Variants in PIEZO2 observed in about 807,000 individuals in gnomAD.
The protein encoded by PIEZO2 is piezo type mechanosensitive ion channel component 2.
In PIEZO2, 172 loss-of-function variants were observed where a neutral mutation model predicts 337.3. The ratio of observed to expected loss-of-function variants is 0.51; its 90% CI spans 0.45 to 0.58. The LOEUF (loss-of-function observed/expected upper bound fraction) is 0.58. Ranked by LOEUF, PIEZO2 falls within the 20% of genes least tolerant of loss-of-function variation. PIEZO2 has a pLI of 0.00. For missense variants in PIEZO2, 3,028 were observed against 3,391.3 expected (o/e 0.89, Z 2.66); for synonymous variants, 1,251 against 1,228.5 (o/e 1.02, Z -0.38).
intron 2 of PIEZO2, among the ~76,000 whole-genome samples, chr18:11,043,375 A>G (rs1191546877): frequency 1.3e-5 from 2 of 152,208 alleles, no homozygotes; most frequent in Admixed American, 1.3e-4. Context: ...ATAATTCAAT[A>G]TTTTGGTATA....
chr18:10,726,809 A>T lies in PIEZO2; in HGVS notation c.5029+4598T>A. ...GAGGATGTGGACCACCTGCGGCCCC[A>T]TGGGGTGCTGGATAATACCCGGATG... On this transcript the variant is annotated intron_variant, in intron 36 of 55. Transcript: ENST00000674853. This position sits in a 1 kb window ranked among gnomAD's most constrained non-coding sequence, Gnocchi z 5.9. 1 of 1,563,162 alleles carries T rather than the reference A, an allele frequency of 6.4e-7. No individual in the cohort carries two copies. Among genetic ancestry groups the T allele is most frequent in the Non-Finnish European group, 8.8e-7 (1 of 1,140,128 alleles).
intron 5 of PIEZO2, among the ~76,000 whole-genome samples, chr18:10,860,678 A>G (rs2041848739): frequency 6.6e-6 from 1 of 152,230 alleles, no homozygotes; most frequent in Non-Finnish European, 1.5e-5. Flanking sequence ...CAAAGAAAGA[A>G]CACAGCAAGG....
intron 47 of PIEZO2, among the ~76,000 whole-genome samples, chr18:10,693,356 T>TTGTGTGTGTGTGTGCGTGTG (rs2034938481): frequency 1.1e-5 from 1 of 89,974 alleles, no homozygotes; most frequent in African/African-American, 3.5e-5. Context: ...AATCTGGATT[T>TTGTGTGTGTGTGTGCGTGTG]TGTGTGTGTG....
At chr18:10,741,662 A>G (rs2037222493) in intron 32 of PIEZO2, among the ~76,000 whole-genome samples, 1 of 152,206 alleles carries the variant, frequency 6.6e-6, no homozygotes, top group African/African-American at 2.4e-5. Context: ...TTAATTTGAT[A>G]TAATAAATCC....
At chr18:11,068,807 A>C (rs1231211439) in intron 1 of PIEZO2, among the ~76,000 whole-genome samples, 1 of 152,180 alleles carries the variant, frequency 6.6e-6, no homozygotes, top group Non-Finnish European at 1.5e-5. Context: ...CAGAAGATGC[A>C]AAAAATTAAG....
chr18:10,876,920 C>A (rs966592470), intron 4 of PIEZO2, among the ~76,000 whole-genome samples: 2 of 152,212 alleles, frequency 1.3e-5, no homozygotes, highest in Admixed American at 6.5e-5. Context: ...CATTCCAATT[C>A]TCATCACATT....
rs2041911851 is a variant in PIEZO2 at position 10,862,837 on chromosome 18, A to C, written c.493-5626T>G. Among the ~76,000 whole-genome samples the C allele has an allele frequency of 6.6e-6, 1 of 152,232 alleles. No homozygotes were observed. Among genetic ancestry groups the C allele is most frequent in the African/African-American group, 2.4e-5 (1 of 41,450 alleles). ...ATCAATGAATTCTCCATAGGGGTTC[A>C]GCTGAATAGGCACAATTTGAAAATA... On this transcript the variant is annotated intron_variant, in intron 5 of 55. Coordinates refer to ENST00000674853, the MANE Select transcript of PIEZO2 (RefSeq NM_001378183.1). This position sits in a 1 kb window ranked among gnomAD's most constrained non-coding sequence, Gnocchi z 4.4.
At position 10,888,077 on chromosome 18, in the gene PIEZO2, G is replaced by A. The variant is rs2042659026; in HGVS notation, c.330-16662C>T. ...TAGCAGACATTAATGACTCCTGCCT[G>A]TATTAACTGTCATGATGGCTGCCTA... On this transcript the variant is annotated intron_variant, in intron 4 of 55. Coordinates refer to ENST00000674853, the MANE Select transcript of PIEZO2 (RefSeq NM_001378183.1). The surrounding 1 kb of genome is among the most constrained non-coding windows in gnomAD (Gnocchi z 4.1). 6.6e-6 allele frequency among the ~76,000 whole-genome samples: 1 copy of A among 152,178 alleles called. No homozygotes were observed. The highest frequency in any genetic ancestry group is 6.5e-5 in the Admixed American group (1 of 15,278).
chr18:10,926,622 T>A (rs2031756267), intron 3 of PIEZO2, among the ~76,000 whole-genome samples: 1 of 152,180 alleles, frequency 6.6e-6, no homozygotes, highest in African/African-American at 2.4e-5. Context: ...ACTCAGCTTT[T>A]AGGAAAAGGA....
intron 5 of PIEZO2, among the ~76,000 whole-genome samples, chr18:10,869,018 T>C (rs1162548877): frequency 2.0e-5 from 3 of 152,214 alleles, no homozygotes; most frequent in African/African-American, 7.2e-5. Context: ...GTTTCAATAA[T>C]TCTAAGAGGA....
At chr18:10,841,075 A>G (rs2041176005) in intron 7 of PIEZO2, among the ~76,000 whole-genome samples, 1 of 152,200 alleles carries the variant, frequency 6.6e-6, no homozygotes, top group African/African-American at 2.4e-5. Context: ...GCATAACAAC[A>G]ATAAATCCAC....
Position 11,126,442 on chromosome 18 carries a change from C to G in PIEZO2, c.64+22083G>C, listed in dbSNP as rs930352205. ...TGTCCCCTAGGCCTGGTAAAGGGCA[C>G]TCCTCACACAGTCCTCTTCCCACCT... On this transcript the variant is annotated intron_variant, in intron 1 of 55. Transcript: ENST00000674853. The surrounding 1 kb of genome is among the most constrained non-coding windows in gnomAD (Gnocchi z 4.6). Among the ~76,000 whole-genome samples the G allele has an allele frequency of 1.3e-5, 2 of 152,148 alleles. No individual in the cohort carries two copies. Among genetic ancestry groups the G allele is most frequent in the South Asian group, 2.1e-4 (1 of 4,832 alleles).
At chr18:10,939,680 C>T (rs533456664) in intron 3 of PIEZO2, among the ~76,000 whole-genome samples, 38 of 152,204 alleles carry the variant, frequency 2.5e-4, no homozygotes, top group South Asian at 1.2e-3. Context: ...GAAAACCAAA[C>T]GCCGCATGTT....
rs530594879 is a variant in PIEZO2, at chr18:10,726,708, C to T, written c.5029+4699G>A. The stretch of plus-strand genomic sequence containing the variant: ...TCAGCAAGGACCAGGTGTACCTGAA[C>T]GGCATCCTGTGCATTCTGGGACATC... On this transcript the variant is annotated intron_variant, in intron 36 of 55. Coordinates refer to ENST00000674853, the MANE Select transcript of PIEZO2 (RefSeq NM_001378183.1). The surrounding 1 kb of genome is among the most constrained non-coding windows in gnomAD (Gnocchi z 5.9). The T allele has an allele frequency of 2.1e-3, 2,948 of 1,428,746 alleles. 12 individuals are homozygous for T. Among genetic ancestry groups the T allele is most frequent in the Non-Finnish European group, 2.6e-3 (2,633 of 1,020,990 alleles). The allele number at this position is 1,428,746 out of a possible 1,614,324, so 88.5% of individuals were successfully genotyped here.
chr18:11,046,111 C>A (rs540905567), intron 2 of PIEZO2, among the ~76,000 whole-genome samples: 6 of 152,132 alleles, frequency 3.9e-5, no homozygotes, highest in Non-Finnish European at 5.9e-5. Context: ...ACTGGCTGGT[C>A]CCCCATTTCC....
chr18:11,121,205 T>A (rs1310644069), intron 1 of PIEZO2, among the ~76,000 whole-genome samples: 1 of 151,942 alleles, frequency 6.6e-6, no homozygotes, highest in Non-Finnish European at 1.5e-5. Context: ...TGAGCCAAGA[T>A]CGGGCCACTG....
chr18:10,953,364 G>A lies in PIEZO2; in HGVS notation c.286+26171C>T, dbSNP rs562511976. ...ATTTTCTCCTATATTTTTTGCAAGA[G>A]TTTTATGGTTTCAATCTTTGCATTT... is the stretch of plus-strand genomic sequence containing the variant. On this transcript the variant is annotated intron_variant, in intron 3 of 55. Transcript: ENST00000674853. The surrounding 1 kb of genome is among the most constrained non-coding windows in gnomAD (Gnocchi z 5.2). Among the ~76,000 whole-genome samples, 4 of 152,076 alleles carry A rather than the reference G, an allele frequency of 2.6e-5. 1 individual carries two copies. In the South Asian group the frequency reaches 8.3e-4, roughly 32 times the overall value.
intron 49 of PIEZO2, among the ~76,000 whole-genome samples, chr18:10,683,017 C>T (rs2034341705): frequency 6.6e-6 from 1 of 152,208 alleles, no homozygotes; most frequent in South Asian, 2.1e-4. Context: ...GCTGTGCTGT[C>T]TGGCATTGAA....
At chr18:10,679,392 C>T (rs1289408328) in intron 52 of PIEZO2, among the ~76,000 whole-genome samples, 2 of 152,168 alleles carry the variant, frequency 1.3e-5, no homozygotes, top group Non-Finnish European at 2.9e-5. Flanking sequence ...TTAAAAACAA[C>T]TTATTATCTA....
Sources: allele counts gnomAD v4.1 joint callset (sites outside exome capture counted in the v4.1 genomes callset), GRCh38; gene constraint gnomAD v4.1.1; non-coding constraint Gnocchi (gnomAD v3.1); transcripts MANE v1.5; gene names NCBI Gene and HGNC (gene_info 2026-07-23, HGNC 2026-07-21).